Variants in OPRK1 observed in about 807,000 individuals in gnomAD.
OPRK1 encodes opioid receptor kappa 1, also known as kappa-type opioid receptor.
Under a neutral mutation model 24.5 loss-of-function variants are expected in OPRK1, and 15 were observed. The ratio of observed to expected loss-of-function variants is 0.61; its 90% CI spans 0.41 to 0.94. The LOEUF is 0.94. Ranked by LOEUF, OPRK1 falls within the 40% of genes least tolerant of loss-of-function variation. OPRK1 has a pLI of 0.00. For synonymous variants in OPRK1, 205 were observed against 198.0 expected (o/e 1.04, Z -0.30); for missense variants, 479 against 507.3 (o/e 0.94, Z 0.54).
intron 2 of OPRK1, among the ~76,000 whole-genome samples, chr8:53,244,880 A>G (rs1436907490): frequency 6.6e-6 from 1 of 152,152 alleles, no homozygotes; most frequent in Non-Finnish European, 1.5e-5. Flanking sequence ...CTGCCTTGGT[A>G]TCCCTGGGGG....
At chr8:53,246,538 G>C (rs2128810276) in intron 2 of OPRK1, among the ~76,000 whole-genome samples, 1 of 152,290 alleles carries the variant, frequency 6.6e-6, no homozygotes, top group East Asian at 1.9e-4. Flanking sequence ...CTGAAGAGCA[G>C]GTGAAGAGGG....
chr8:53,238,473 T>A (rs774619293), intron 2 of OPRK1: 26 of 898,602 alleles, frequency 2.9e-5, no homozygotes, highest in Non-Finnish European at 3.5e-5. Context: ...AACAGTACGG[T>A]GCATGGAATG....
At chr8:53,229,884 G>A (rs1170517389) in intron 3 of OPRK1, 55 bp from the exon 4 acceptor site, 6 of 1,467,320 alleles carry the variant, frequency 4.1e-6, no homozygotes, top group Admixed American at 2.4e-5. Flanking sequence ...TTATTACCGT[G>A]GCTGCAAAGT....
At chr8:53,238,398 TG>T in intron 2 of OPRK1, 1 of 300,718 alleles carries the variant, frequency 3.3e-6, no homozygotes, top group Non-Finnish European at 4.9e-6. Context: ...CAGGAGCATA[TG>T]GTATGAAAAG....
chr8:53,233,732 G>A (rs1806911537), intron 3 of OPRK1, among the ~76,000 whole-genome samples: 1 of 152,150 alleles, frequency 6.6e-6, no homozygotes, highest in African/African-American at 2.4e-5. Context: ...CTTGGCTGCA[G>A]GTCAGAGTCA....
chr8:53,241,165 T>C (rs1807108092), intron 2 of OPRK1, among the ~76,000 whole-genome samples: 1 of 152,184 alleles, frequency 6.6e-6, no homozygotes, highest in Non-Finnish European at 1.5e-5. Context: ...CCTTCCATTT[T>C]TCTGTGAAGT....
At chr8:53,232,652 T>G (rs1806883674) in intron 3 of OPRK1, among the ~76,000 whole-genome samples, 1 of 152,172 alleles carries the variant, frequency 6.6e-6, no homozygotes, top group South Asian at 2.1e-4. Flanking sequence ...ACTGCCTCAG[T>G]TTAACAAGCA....
chr8:53,228,859 G>GTCGCCGTATCATTAAAAAA lies in OPRK1; in HGVS notation c.*437_*438insTTTTTTAATGATACGGCGA. The GTCGCCGTATCATTAAAAAA allele has an allele frequency of 6.2e-6, 1 of 161,140 alleles. No homozygotes were observed. The highest frequency in any genetic ancestry group is 5.9e-5 in the Admixed American group (1 of 16,972). The allele number at this position is 161,140 out of a possible 1,614,324, so 10.0% of individuals were successfully genotyped here. On this transcript the variant is annotated 3_prime_UTR_variant, in exon 4 of 4. Transcript: ENST00000265572. The stretch of plus-strand genomic sequence containing the variant: ...CCTGGAAATAGTTCCCATTCCGTTG[G>GTCGCCGTATCATTAAAAAA]AGGTTGTTGCTGTCATTGTGAAACA...
intron 2 of OPRK1, among the ~76,000 whole-genome samples, chr8:53,244,485 C>T (rs1807186283): frequency 6.6e-6 from 1 of 152,158 alleles, no homozygotes; most frequent in Non-Finnish European, 1.5e-5. Flanking sequence ...TTCAATACTG[C>T]TGAGGCTGAA....
In OPRK1 at chr8:53,228,222, A is replaced by T. The variant is rs1011398696; in HGVS notation, c.*1075T>A. On this transcript the variant is annotated 3_prime_UTR_variant, in exon 4 of 4. Coordinates refer to ENST00000265572, the MANE Select transcript of OPRK1 (RefSeq NM_000912.5). The stretch of plus-strand genomic sequence containing the variant: ...AACACCTTCCTCTCCGTGAATAGAG[A>T]GATCTGCGAATCGCTATATGTTCAT... 6.6e-6 allele frequency: 1 copy of T among 152,220 alleles called. No homozygotes were observed. Among genetic ancestry groups the T allele is most frequent in the Non-Finnish European group, 1.5e-5 (1 of 68,038 alleles). 9.4% of individuals were successfully genotyped at this position (152,220 alleles called of 1,614,324 possible).
chr8:53,230,030 T>A (rs1301670178), intron 3 of OPRK1, among the ~76,000 whole-genome samples: 1 of 151,974 alleles, frequency 6.6e-6, no homozygotes, highest in Non-Finnish European at 1.5e-5. Context: ...CATGGAACAA[T>A]GATGATAGTC....
intron 3 of OPRK1, among the ~76,000 whole-genome samples, chr8:53,234,536 C>T (rs1262047600): frequency 2.0e-5 from 3 of 152,126 alleles, no homozygotes; most frequent in African/African-American, 4.8e-5. Flanking sequence ...GGAGACAGGT[C>T]GGGCATCTCT....
chr8:53,234,279 C>A (rs1806933829), intron 3 of OPRK1, among the ~76,000 whole-genome samples: 1 of 151,784 alleles, frequency 6.6e-6, no homozygotes. Context: ...TAACTACCAT[C>A]CGTTAACTTG....
chr8:53,250,658 A>G, intron 2 of OPRK1, 123 bp downstream of exon 2: 1 of 1,034,606 alleles, frequency 9.7e-7, no homozygotes, highest in Non-Finnish European at 1.4e-6. Context: ...CATTTCCAGG[A>G]TCCTTCACGG....
At chr8:53,235,140 C>T (rs201197226) in intron 2 of OPRK1, 29 bp from the exon 3 acceptor site, 25 of 1,583,034 alleles carry the variant, frequency 1.6e-5, no homozygotes, top group South Asian at 5.6e-5. Context: ...TAGCATTTCC[C>T]TCCATTTTCA....
At position 53,239,371 on chromosome 8, in the gene OPRK1, C is replaced by A. The variant is rs62505380; in HGVS notation, c.258-4260G>T. On this transcript the variant is annotated intron_variant, in intron 2 of 3. Transcript: ENST00000265572. ...TGTAGTGAGGAAATCAGCACATATT[C>A]TGAAGAGAAAATTTAGCAGGATCTT... 3.3e-4 allele frequency among the ~76,000 whole-genome samples: 50 copies of A among 152,170 alleles called. 1 individual carries two copies. The highest frequency in any genetic ancestry group is 5.9e-4 in the Admixed American group (9 of 15,296).
intron 3 of OPRK1, 98 bp downstream of exon 3, chr8:53,234,661 C>T (rs772680073): frequency 1.7e-5 from 18 of 1,078,466 alleles, no homozygotes; most frequent in South Asian, 3.1e-5. Context: ...CTTTTGGCAT[C>T]GATTTCCACT....
intron 2 of OPRK1, among the ~76,000 whole-genome samples, chr8:53,236,787 C>T (rs1807006492): frequency 6.6e-6 from 1 of 152,152 alleles, no homozygotes; most frequent in African/African-American, 2.4e-5. Context: ...AACCTAACTT[C>T]TACTCTTTCA....
At chr8:53,237,555 A>G (rs1181601779) in intron 2 of OPRK1, among the ~76,000 whole-genome samples, 3 of 152,196 alleles carry the variant, frequency 2.0e-5, no homozygotes, top group Non-Finnish European at 4.4e-5. Flanking sequence ...ATTCATCCTC[A>G]CAGTCACTTC....
Sources: gnomAD v4.1 joint callset for allele counts (sites outside exome capture counted in the v4.1 genomes callset) on GRCh38, gnomAD v4.1.1 for gene constraint, MANE v1.5 for transcripts, NCBI Gene and HGNC (gene_info 2026-07-23, HGNC 2026-07-21) for gene names.